Variants in STPG2 observed in about 807,000 individuals in gnomAD.
The protein encoded by STPG2 is sperm tail PG-rich repeat containing 2, also known as sperm-tail PG-rich repeat-containing protein 2.
Under a neutral mutation model 54.2 loss-of-function variants are expected in STPG2, and 56 were observed. That is an observed-to-expected ratio of 1.03 (90% CI 0.83 to 1.29). The LOEUF is 1.29. STPG2 is among the 50% of genes most tolerant of loss of function. The probability of loss-of-function intolerance (pLI) is 0.00; values close to 1 mark genes in which losing one functional copy is unlikely to be tolerated. For missense variants in STPG2, 596 were observed against 544.9 expected (o/e 1.09, Z -0.93); for synonymous variants, 200 against 181.8 (o/e 1.10, Z -0.81).
chr4:98,001,365 G>C lies in STPG2; in HGVS notation c.613-20047C>G, dbSNP rs1735410798. On this transcript the variant is annotated intron_variant, in intron 5 of 10. Coordinates refer to ENST00000295268, the MANE Select transcript of STPG2 (RefSeq NM_174952.3). Reference sequence around the variant, plus strand: ...AGTCAAGATTTATAATGTCTATTTTGGTAAAATGGTGCTATGTAAATGTTC... The same window carrying C: ...AGTCAAGATTTATAATGTCTATTTTCGTAAAATGGTGCTATGTAAATGTTC... Among the ~76,000 whole-genome samples, 5 of 151,402 alleles carry C rather than the reference G, an allele frequency of 3.3e-5. No homozygotes were observed. The South Asian group carries it at 1.0e-3, about 32-fold the overall frequency.
At chr4:98,004,057 C>A (rs535057340) in intron 5 of STPG2, among the ~76,000 whole-genome samples, 1 of 151,920 alleles carries the variant, frequency 6.6e-6, no homozygotes, top group African/African-American at 2.4e-5. Context: ...TAGCAACTTT[C>A]AAGTGTAAAC....
At chr4:97,850,570 T>C (rs988108579) in intron 8 of STPG2, among the ~76,000 whole-genome samples, 6 of 151,938 alleles carry the variant, frequency 3.9e-5, no homozygotes, top group African/African-American at 1.4e-4. Context: ...TATATGCACG[T>C]CATTATTTAT....
At chr4:97,480,093 G>T (rs1360804059) in intron 4 of STPG2, among the ~76,000 whole-genome samples, 1 of 151,616 alleles carries the variant, frequency 6.6e-6, no homozygotes, top group African/African-American at 2.4e-5. Context: ...ATATAGGAAA[G>T]ACAAAAATAA....
chr4:97,632,080 T>C (rs1013407554), intron 10 of STPG2, among the ~76,000 whole-genome samples: 2 of 151,990 alleles, frequency 1.3e-5, no homozygotes, highest in African/African-American at 4.8e-5. Context: ...TACTCCTTAA[T>C]CTAGGCATTT....
chr4:97,656,238 C>T (rs979607648), intron 10 of STPG2, among the ~76,000 whole-genome samples: 1 of 152,114 alleles, frequency 6.6e-6, no homozygotes, highest in African/African-American at 2.4e-5. Flanking sequence ...CATGACACAA[C>T]ACAAACCAAC....
At chr4:98,005,111 G>A (rs369615577) in intron 5 of STPG2, among the ~76,000 whole-genome samples, 2 of 152,120 alleles carry the variant, frequency 1.3e-5, no homozygotes, top group Admixed American at 6.6e-5. Flanking sequence ...TCAGTCTGAC[G>A]TTCAAGGGCA....
chr4:97,933,886 T>C (rs1009429926), intron 8 of STPG2, among the ~76,000 whole-genome samples: 2 of 152,246 alleles, frequency 1.3e-5, no homozygotes, highest in African/African-American at 4.8e-5. Flanking sequence ...AGTAGTTTTT[T>C]CTAATTCTGT....
At chr4:98,132,414 T>C (rs913637978) in intron 2 of STPG2, among the ~76,000 whole-genome samples, 2 of 152,034 alleles carry the variant, frequency 1.3e-5, no homozygotes, top group East Asian at 3.8e-4. Flanking sequence ...AAAAATGTCA[T>C]TAACAAGTAT....
At chr4:97,779,440 C>A (rs1242921032) in intron 9 of STPG2, among the ~76,000 whole-genome samples, 3 of 151,524 alleles carry the variant, frequency 2.0e-5, no homozygotes, top group Non-Finnish European at 4.4e-5. Flanking sequence ...ATGTATAGAC[C>A]AAATCTATAT....
At chr4:97,637,655 C>A (rs1287073403) in intron 10 of STPG2, among the ~76,000 whole-genome samples, 1 of 152,176 alleles carries the variant, frequency 6.6e-6, no homozygotes, top group East Asian at 1.9e-4. Flanking sequence ...TCTCAGGATA[C>A]AAAATCAATG....
chr4:97,597,376 G>C (rs1214109833), intron 10 of STPG2, among the ~76,000 whole-genome samples: 3 of 151,974 alleles, frequency 2.0e-5, no homozygotes, highest in African/African-American at 7.2e-5. Flanking sequence ...CCAAAAAATT[G>C]AGGAGAATGG....
At chr4:97,883,638 T>C (rs1372514914) in intron 8 of STPG2, among the ~76,000 whole-genome samples, 1 of 152,144 alleles carries the variant, frequency 6.6e-6, no homozygotes, top group East Asian at 1.9e-4. Flanking sequence ...TAATTCATCA[T>C]TAGACTCGAC....
chr4:97,833,763 T>C (rs536867685), intron 9 of STPG2, among the ~76,000 whole-genome samples: 5 of 151,968 alleles, frequency 3.3e-5, no homozygotes, highest in Non-Finnish European at 7.4e-5. Context: ...ACAAAAAACC[T>C]CGTCATCACT....
chr4:97,708,744 CA>C (rs1724026590), intron 10 of STPG2, among the ~76,000 whole-genome samples: 1 of 151,182 alleles, frequency 6.6e-6, no homozygotes, highest in African/African-American at 2.4e-5. Context: ...AATTAAATTA[CA>C]TATATGTTAA....
intron 5 of STPG2, among the ~76,000 whole-genome samples, chr4:98,018,432 G>C (rs1736046687): frequency 6.6e-6 from 1 of 152,170 alleles, no homozygotes; most frequent in African/African-American, 2.4e-5. Context: ...GGACATTTGG[G>C]TTGGTTCCAA....
At chr4:97,926,210 C>T (rs1732325816) in intron 8 of STPG2, among the ~76,000 whole-genome samples, 1 of 152,154 alleles carries the variant, frequency 6.6e-6, no homozygotes. Context: ...GAAGTTCATA[C>T]TTCATCATCC....
At chr4:97,987,906 T>A (rs1014488559) in intron 5 of STPG2, among the ~76,000 whole-genome samples, 1 of 152,026 alleles carries the variant, frequency 6.6e-6, no homozygotes, top group Non-Finnish European at 1.5e-5. Flanking sequence ...TCTACTGACA[T>A]AGCAGCCAGT....
At chr4:97,772,380 C>T (rs1459374364) in intron 9 of STPG2, among the ~76,000 whole-genome samples, 1 of 151,966 alleles carries the variant, frequency 6.6e-6, no homozygotes, top group Non-Finnish European at 1.5e-5. Flanking sequence ...ATGGTTTATA[C>T]AAAACAATTA....
chr4:97,603,479 T>G (rs1424537341), intron 10 of STPG2, among the ~76,000 whole-genome samples: 1 of 151,518 alleles, frequency 6.6e-6, no homozygotes, highest in African/African-American at 2.4e-5. Context: ...TCCAAAAGAA[T>G]TGAAAGCAGG....
Sources: allele counts gnomAD v4.1 joint callset (sites outside exome capture counted in the v4.1 genomes callset), GRCh38; gene constraint gnomAD v4.1.1; transcripts MANE v1.5; gene names NCBI Gene and HGNC (gene_info 2026-07-23, HGNC 2026-07-21).